CADPS: variants seen among roughly 807,000 people sequenced by gnomAD.
The protein encoded by CADPS is calcium dependent secretion activator.
In CADPS, 57 loss-of-function variants were observed where a neutral mutation model predicts 167.3. The observed-to-expected ratio is 0.34, with a 90% CI of 0.28 to 0.42. The LOEUF is 0.42. CADPS is among the 20% of genes least tolerant of loss of function. CADPS has a pLI of 1.00. For synonymous variants in CADPS, 676 were observed against 635.3 expected, an observed-to-expected ratio of 1.06 and a Z score of -0.96; for missense variants, 1,414 against 1,738.1, an observed-to-expected ratio of 0.81 and a Z score of 3.32.
Position 62,725,189 on chromosome 3 carries a change from G to A in CADPS, c.888+28252C>T, listed in dbSNP as rs116862719. Among the ~76,000 whole-genome samples, 122 of 152,200 alleles carry A rather than the reference G, an allele frequency of 8.0e-4. No homozygotes were observed. The East Asian group carries it at 0.021, about 26-fold the overall frequency. On this transcript the variant is annotated intron_variant, in intron 3 of 29. Transcript: ENST00000383710. ...ATCTAAAATCTAGTAGAACTGTCTC[G>A]AATGATGGGAATAGTCCACACCTGC... is the stretch of plus-strand genomic sequence containing the variant.
chr3:62,779,667 G>T, intron 1 of CADPS: 1 of 520,250 alleles, frequency 1.9e-6, no homozygotes, highest in South Asian at 1.4e-5. Flanking sequence ...CTGAGTGCAA[G>T]GTCCACCGAC....
At position 62,592,618 on chromosome 3, in the gene CADPS, T is replaced by G; in HGVS notation, c.1437+19A>C. The G allele has an allele frequency of 6.3e-7, 1 of 1,584,346 alleles. No individual in the cohort carries two copies. Among genetic ancestry groups the G allele is most frequent in the Non-Finnish European group, 8.7e-7 (1 of 1,153,296 alleles). ...GAAATCCTCTCTGTGGAGTTCCCCT[T>G]GTGATAAGAAGTGCTTACCCGCCCA... On this transcript the variant is annotated intron_variant, in intron 7 of 29. Transcript: ENST00000383710.
chr3:62,512,755 A>G lies in CADPS; in HGVS notation c.2595T>C (p.Asp865=), dbSNP rs376883218. 2 of 1,605,470 alleles carry G rather than the reference A, an allele frequency of 1.2e-6. No individual in the cohort carries two copies. Among genetic ancestry groups the G allele is most frequent in the Non-Finnish European group, 1.7e-6 (2 of 1,174,032 alleles). ...ATGCATATACAATTGGTTCACCTGC[A>G]TCCTTTTGATTCTCTATTTGAAAGA... ...EYAKIEENQK[D]AENVGRLITP... Residue 865 remains aspartate (D), a synonymous_variant, in exon 17 of 30, where the codon GAT becomes GAC. Transcript: ENST00000383710.
chr3:62,581,631 T>C (rs2083456907), intron 8 of CADPS, among the ~76,000 whole-genome samples: 1 of 151,832 alleles, frequency 6.6e-6, no homozygotes, highest in African/African-American at 2.4e-5. Flanking sequence ...CAGTAAGCTA[T>C]GATAGCACCT....
intron 3 of CADPS, among the ~76,000 whole-genome samples, chr3:62,700,909 GTC>G (rs1372361694): frequency 4.6e-5 from 7 of 152,094 alleles, no homozygotes; most frequent in African/African-American, 1.4e-4. Flanking sequence ...GAGGCTGGAA[GTC>G]TCAGCCCAGG....
intron 26 of CADPS, among the ~76,000 whole-genome samples, chr3:62,452,681 T>C (rs550128029): frequency 6.6e-6 from 1 of 152,214 alleles, no homozygotes; most frequent in African/African-American, 2.4e-5. Context: ...AAAGTTATAA[T>C]GGTACCAAGA....
chr3:62,694,525 C>T (rs970239096), intron 3 of CADPS, among the ~76,000 whole-genome samples: 2 of 152,008 alleles, frequency 1.3e-5, no homozygotes, highest in Non-Finnish European at 2.9e-5. Flanking sequence ...TTACATTAGA[C>T]CCCTTCCATC....
intron 6 of CADPS, among the ~76,000 whole-genome samples, chr3:62,627,344 C>G (rs2064284735): frequency 6.6e-6 from 1 of 151,716 alleles, no homozygotes; most frequent in South Asian, 2.1e-4. Context: ...TTAGTTTTAC[C>G]CAGCTTTGCA....
At chr3:62,586,311 C>T (rs561717635) in intron 7 of CADPS, among the ~76,000 whole-genome samples, 2 of 152,240 alleles carry the variant, frequency 1.3e-5, no homozygotes, top group South Asian at 4.2e-4. Flanking sequence ...ATGGCAGGCC[C>T]CTTTCCTGGG....
At chr3:62,454,592 G>A (rs1560590969) in intron 26 of CADPS, among the ~76,000 whole-genome samples, 1 of 152,200 alleles carries the variant, frequency 6.6e-6, no homozygotes, top group Non-Finnish European at 1.5e-5. Flanking sequence ...GACTGTGGAA[G>A]TATTTTGAAC....
chr3:62,617,635 G>C (rs936470338), intron 6 of CADPS, among the ~76,000 whole-genome samples: 4 of 152,102 alleles, frequency 2.6e-5, no homozygotes, highest in African/African-American at 9.7e-5. Context: ...ATCATATAAT[G>C]TGGGAGCTTA....
intron 1 of CADPS, among the ~76,000 whole-genome samples, chr3:62,782,835 C>T (rs1345311675): frequency 2.7e-5 from 4 of 150,832 alleles, no homozygotes; most frequent in African/African-American, 9.8e-5. Flanking sequence ...TCTCATCTCA[C>T]TGCAACCTCT....
intron 3 of CADPS, among the ~76,000 whole-genome samples, chr3:62,730,530 T>G (rs1184794656): frequency 6.6e-6 from 1 of 152,172 alleles, no homozygotes; most frequent in Non-Finnish European, 1.5e-5. Flanking sequence ...TGCAGGGACA[T>G]GCTCATTTCT....
At chr3:62,834,245 G>A (rs184555018) in intron 1 of CADPS, among the ~76,000 whole-genome samples, 2 of 152,274 alleles carry the variant, frequency 1.3e-5, no homozygotes, top group East Asian at 3.9e-4. Flanking sequence ...AGGCCTGGAA[G>A]CACCTGCTTT....
chr3:62,511,046 G>A (rs1279846402), intron 17 of CADPS, among the ~76,000 whole-genome samples: 2 of 152,086 alleles, frequency 1.3e-5, no homozygotes, highest in Non-Finnish European at 2.9e-5. Context: ...TTTTTCTGCA[G>A]TGTAAACCGC....
At chr3:62,863,503 G>C (rs1273153699) in intron 1 of CADPS, among the ~76,000 whole-genome samples, 3 of 152,118 alleles carry the variant, frequency 2.0e-5, no homozygotes, top group South Asian at 2.1e-4. Flanking sequence ...AGTAATGAAA[G>C]GCAAGGGAGG....
chr3:62,831,880 G>A (rs1314420440), intron 1 of CADPS, among the ~76,000 whole-genome samples: 1 of 152,112 alleles, frequency 6.6e-6, no homozygotes, highest in Non-Finnish European at 1.5e-5. Flanking sequence ...TTGAATTCTT[G>A]CTCATTTGGA....
intron 28 of CADPS, among the ~76,000 whole-genome samples, chr3:62,408,513 A>T (rs926537890): frequency 6.6e-6 from 1 of 152,208 alleles, no homozygotes; most frequent in Admixed American, 6.5e-5. Flanking sequence ...GAAGATGGGT[A>T]ATTAACACCT....
intron 3 of CADPS, among the ~76,000 whole-genome samples, chr3:62,750,612 C>T (rs917459509): frequency 1.3e-5 from 2 of 152,224 alleles, no homozygotes; most frequent in East Asian, 3.9e-4. Flanking sequence ...CATAAAAAAG[C>T]ACAAATGAAA....
Sources: allele counts gnomAD v4.1 joint callset (sites outside exome capture counted in the v4.1 genomes callset), GRCh38; gene constraint gnomAD v4.1.1; transcripts MANE v1.5; gene names NCBI Gene and HGNC (gene_info 2026-07-23, HGNC 2026-07-21).